ANKZF1: variants seen among roughly 807,000 people sequenced by gnomAD.
ANKZF1 encodes tRNA endonuclease ANKZF1.
A neutral mutation model predicts 86.0 loss-of-function variants in ANKZF1; 84 were observed. The ratio of observed to expected loss-of-function variants is 0.98; its 90% confidence interval spans 0.82 to 1.17. The LOEUF is 1.17. Ranked by LOEUF, ANKZF1 falls within the 50% of genes most tolerant of loss-of-function variation. ANKZF1 has a pLI of 0.00. For missense variants in ANKZF1, 893 were observed against 918.4 expected, an observed-to-expected ratio of 0.97 and a Z score of 0.36; for synonymous variants, 331 against 354.2, an observed-to-expected ratio of 0.93 and a Z score of 0.74.
At position 219,236,364 on chromosome 2, in the gene ANKZF1, C is replaced by T. The variant is rs1364065492; in HGVS notation, c.2100C>T (p.Pro700=). 3 of 1,614,042 alleles carry T rather than the reference C, an allele frequency of 1.9e-6. No homozygotes were observed. Among genetic ancestry groups the T allele is most frequent in the African/African-American group, 2.7e-5 (2 of 74,936 alleles). ...SCGASLQGLT[P]FHYLDFSFCS... is the part of the protein sequence containing the mutation. The stretch of plus-strand genomic sequence containing the variant: ...GGGCATCCCTCCAAGGCCTGACTCC[C>T]TTTCACTACCTCGACTTCTCTTTCT... The change falls in exon 14 of 14, where the codon CCC becomes CCT. Residue 700 remains proline, a synonymous_variant. Coordinates refer to ENST00000323348, the MANE Select transcript of ANKZF1 (RefSeq NM_018089.3).
In ANKZF1 at chr2:219,232,368, G is replaced by A; in HGVS notation, c.364+6G>A. On this transcript the variant is annotated splice_donor_region_variant and intron_variant, in intron 4 of 13. Coordinates refer to ENST00000323348, the MANE Select transcript of ANKZF1 (RefSeq NM_018089.3). ...TGAAAAGCAGAGCTCCACAGGTGAT[G>A]AGTGGTAGGGGGACCTATGTAGGAG... is the stretch of plus-strand genomic sequence containing the variant. 6.2e-7 allele frequency: 1 copy of A among 1,613,984 alleles called. No individual in the cohort carries two copies. The highest frequency in any genetic ancestry group is 1.1e-5 in the South Asian group (1 of 91,076).
rs1442907662 is a variant in ANKZF1 at position 219,234,919 on chromosome 2, T to C, written c.1298T>C (p.Leu433Ser). 1 of 1,614,036 alleles carries C rather than the reference T, an allele frequency of 6.2e-7. No individual in the cohort carries two copies. The highest frequency in any genetic ancestry group is 1.3e-5 in the African/African-American group (1 of 74,908). The change falls in exon 10 of 14, where the codon TTG becomes TCG. Residue 433 changes from leucine (L) to serine (S), a missense_variant. Coordinates refer to ENST00000323348, the MANE Select transcript of ANKZF1 (RefSeq NM_018089.3). ...CTGGATCTTTGTGAGTCTGAAGTAT[T>C]GCCCAAGCGGAGGAGGAGAAAAAGG... ...GTLDLCESEV[L>S]PKRRRRKRNK...
chr2:219,231,340 T>G, intron 2 of ANKZF1: 1 of 224,554 alleles, frequency 4.5e-6, no homozygotes, highest in Non-Finnish European at 9.9e-6. Context: ...CTCATCGGAT[T>G]CTTTTCCAGA....
At chr2:219,230,102 C>T (rs1403264548) in intron 1 of ANKZF1, 126 bp from the exon 2 acceptor site, 4 of 727,712 alleles carry the variant, frequency 5.5e-6, no homozygotes, top group Non-Finnish European at 8.6e-6. Context: ...ATTCATCTCA[C>T]AGTTGGTAGC....
At chr2:219,232,713 CCCCAGCCTTTTGTACA>C in intron 5 of ANKZF1, 30 bp downstream of exon 5, 1 of 1,598,366 alleles carries the variant, frequency 6.3e-7, no homozygotes, top group Non-Finnish European at 8.5e-7. Flanking sequence ...GCATGGCTAA[CCCCAGCCTTTTGTACA>C]CCCAGCCTAG....
chr2:219,234,116 C>T lies in ANKZF1; in HGVS notation c.1049-17C>T. On this transcript the variant is annotated splice_polypyrimidine_tract_variant and intron_variant, in intron 8 of 13. Transcript: ENST00000323348. ...CTCCTCAGCTAAGGTTGAGAAAGAT[C>T]TTTTCTTTTATGGCAGAAGAAGACC... 6.2e-7 allele frequency: 1 copy of T among 1,603,272 alleles called. No homozygotes were observed. Among genetic ancestry groups the T allele is most frequent in the East Asian group, 2.2e-5 (1 of 44,826 alleles).
In ANKZF1 at chr2:219,236,058, A is replaced by C; in HGVS notation, c.2020A>C (p.Thr674Pro). ...ACTCGCTGCCCAGTTGGGAGCCCCT[A>C]CCTCTCCAATCCCTGACTCTGCAAT... ...RRLAAQLGAPTSPIPDSAIVN... is the reference protein window; with the variant it reads ...RRLAAQLGAPPSPIPDSAIVN... Residue 674 changes from threonine to proline, a missense_variant, in exon 13 of 14, where the codon ACC becomes CCC. Coordinates refer to ENST00000323348, the MANE Select transcript of ANKZF1 (RefSeq NM_018089.3). The C allele has an allele frequency of 6.2e-7, 1 of 1,613,994 alleles. No homozygotes were observed. The highest frequency in any genetic ancestry group is 8.5e-7 in the Non-Finnish European group (1 of 1,180,004).
Position 219,235,878 on chromosome 2 carries a change from G to A in ANKZF1, c.1971+3G>A. On this transcript the variant is annotated splice_donor_region_variant and intron_variant, in intron 12 of 13. Transcript: ENST00000323348. ...CCGCCCTCAGTGACCGAGAGAAGGT[G>A]AGGCTGGAGGTTCTCTTGTCCATGG... 1 of 1,614,130 alleles carries A rather than the reference G, an allele frequency of 6.2e-7. No individual in the cohort carries two copies. Among genetic ancestry groups the A allele is most frequent in the Non-Finnish European group, 8.5e-7 (1 of 1,179,962 alleles).
intron 13 of ANKZF1, 23 bp downstream of exon 13, chr2:219,236,118 G>A (rs1223861760): frequency 1.9e-6 from 3 of 1,613,804 alleles, no homozygotes; most frequent in African/African-American, 1.3e-5. Context: ...GGATGAGGGA[G>A]TGGGTGGACT....
Position 219,234,845 on chromosome 2 carries a change from A to T in ANKZF1, c.1224A>T (p.Glu408Asp), listed in dbSNP as rs1166100737. The T allele has an allele frequency of 4.3e-6, 7 of 1,612,364 alleles. No homozygotes were observed. The highest frequency in any genetic ancestry group is 5.9e-6 in the Non-Finnish European group (7 of 1,178,764). ...CCCTAGGTTCAGGGTCGGAGGGAGA[A>T]GATGGCTTTCAGGTAGAGTTGGAGC... ...SPKQGSGSEG[E>D]DGFQVELELV... The change falls in exon 10 of 14, where the codon GAA (glutamate) becomes GAT (aspartate). Residue 408 changes from glutamate (E) to aspartate (D), a missense_variant. By Grantham distance (45) the Glu-to-Asp change is conservative. Transcript: ENST00000323348.
At chr2:219,232,876 A>T in intron 5 of ANKZF1, 193 bp downstream of exon 5, 2 of 834,124 alleles carry the variant, frequency 2.4e-6, no homozygotes, top group Non-Finnish European at 3.7e-6. Flanking sequence ...TTAAGTTTGG[A>T]AACAAACCAA....
At position 219,233,832 on chromosome 2, in the gene ANKZF1, C is replaced by G. The variant is rs750162660; in HGVS notation, c.937C>G (p.Pro313Ala). ...RSLFFGGKGA[P>A]LQRGDPRLWD... ...TTTGTTCTTTGGAGGCAAGGGAGCA[C>G]CCCTGCAAAGGGGGGATCCCCGACT... is the stretch of plus-strand genomic sequence containing the variant. Residue 313 changes from proline to alanine, a missense_variant, in exon 8 of 14, where the codon CCC (proline) becomes GCC (alanine). Coordinates refer to ENST00000323348, the MANE Select transcript of ANKZF1 (RefSeq NM_018089.3). 2.5e-6 allele frequency: 4 copies of G among 1,613,998 alleles called. No homozygotes were observed. The South Asian group carries it at 4.4e-5, about 18-fold the overall frequency.
Position 219,231,914 on chromosome 2 carries a change from C to T in ANKZF1, c.149-14C>T. The stretch of plus-strand genomic sequence containing the variant: ...GGCTCCCTTTCTATGTCCAATTCCT[C>T]TTCCCTTATTTAGGCTCAGGGGAGA... On this transcript the variant is annotated splice_polypyrimidine_tract_variant and intron_variant, in intron 2 of 13. Transcript: ENST00000323348. 6.2e-7 allele frequency: 1 copy of T among 1,609,040 alleles called. No homozygotes were observed. Among genetic ancestry groups the T allele is most frequent in the Non-Finnish European group, 8.5e-7 (1 of 1,175,510 alleles).
chr2:219,236,361 T>C lies in ANKZF1; in HGVS notation c.2097T>C (p.Thr699=). The C allele has an allele frequency of 6.2e-7, 1 of 1,614,144 alleles. No individual in the cohort carries two copies. The change falls in exon 14 of 14, where the codon ACT becomes ACC. Residue 699 remains threonine, a synonymous_variant. Transcript: ENST00000323348. ...GTGGGGCATCCCTCCAAGGCCTGAC[T>C]CCCTTTCACTACCTCGACTTCTCTT... ...WSCGASLQGL[T]PFHYLDFSFC...
Position 219,234,833 on chromosome 2 carries a change from G to A in ANKZF1, c.1212G>A (p.Gly404=), listed in dbSNP as rs1486334497. The change falls in exon 10 of 14, where the codon GGG becomes GGA. Residue 404 remains glycine, a synonymous_variant. Transcript: ENST00000323348. ...TGTCAGGTTTTTCCCTAGGTTCAGGGTCGGAGGGAGAAGATGGCTTTCAGG... is the reference window on the plus strand; with the variant it reads ...TGTCAGGTTTTTCCCTAGGTTCAGGATCGGAGGGAGAAGATGGCTTTCAGG... The part of the protein sequence containing the change: ...QNEESPKQGS[G]SEGEDGFQVE... The A allele has an allele frequency of 6.2e-7, 1 of 1,610,814 alleles. No individual in the cohort carries two copies. The highest frequency in any genetic ancestry group is 1.3e-5 in the African/African-American group (1 of 74,920).
intron 2 of ANKZF1, chr2:219,231,272 G>C (rs1466127459): frequency 1.5e-5 from 3 of 204,460 alleles, no homozygotes; most frequent in Non-Finnish European, 3.3e-5. Context: ...ACTTGCAGAC[G>C]CTGGATCTCG....
Position 219,232,338 on chromosome 2 carries a change from G to A in ANKZF1, c.340G>A (p.Asp114Asn). Residue 114 changes from aspartate to asparagine, a missense_variant, in exon 4 of 14, where the codon GAC becomes AAC. Physicochemically the swap from Asp to Asn is conservative, Grantham distance 23. Coordinates refer to ENST00000323348, the MANE Select transcript of ANKZF1 (RefSeq NM_018089.3). The part of the protein sequence containing the change: ...LKDKPLLSAL[D>N]FEKQSSTGDL... Reference sequence around the variant, plus strand: ...GGACAAGCCTCTCCTGTCTGCCCTGGACTTTGAAAAGCAGAGCTCCACAGG... The same window carrying A: ...GGACAAGCCTCTCCTGTCTGCCCTGAACTTTGAAAAGCAGAGCTCCACAGG... The A allele has an allele frequency of 6.2e-7, 1 of 1,614,230 alleles. No homozygotes were observed. The highest frequency in any genetic ancestry group is 8.5e-7 in the Non-Finnish European group (1 of 1,180,050).
Position 219,231,922 on chromosome 2 carries a change from A to T in ANKZF1, c.149-6A>T. On this transcript the variant is annotated splice_polypyrimidine_tract_variant and splice_region_variant and intron_variant, in intron 2 of 13. Transcript: ENST00000323348. ...TTCTATGTCCAATTCCTCTTCCCTT[A>T]TTTAGGCTCAGGGGAGAGAGAAAGC... 6.2e-7 allele frequency: 1 copy of T among 1,612,186 alleles called. No homozygotes were observed. Among genetic ancestry groups the T allele is most frequent in the Non-Finnish European group, 8.5e-7 (1 of 1,178,510 alleles).
rs377436180 is a variant in ANKZF1, at chr2:219,235,494, C to T, written c.1712C>T (p.Pro571Leu). ...CCTAGGGACTCTCGGGCCCGGCCAC[C>T]TTATACTGTTGCGGCTGACAAATCA... is the stretch of plus-strand genomic sequence containing the variant. Reference protein sequence around the residue: ...PTVQDSRARPPYTVAADKSTR... With the variant: ...PTVQDSRARPLYTVAADKSTR... Residue 571 changes from proline (P) to leucine (L), a missense_variant, in exon 11 of 14, where the codon CCT becomes CTT. Coordinates refer to ENST00000323348, the MANE Select transcript of ANKZF1 (RefSeq NM_018089.3). 1.3e-5 allele frequency: 21 copies of T among 1,613,894 alleles called. No homozygotes were observed. In the Admixed American group the frequency reaches 2.8e-4, roughly 22 times the overall value.
Sources: allele counts gnomAD v4.1 joint callset, GRCh38; gene constraint gnomAD v4.1.1; transcripts MANE v1.5; gene names NCBI Gene and HGNC (gene_info 2026-07-23, HGNC 2026-07-21).